The following MAD1L1 variants were observed in gnomAD, a reference collection of about 807,000 sequenced individuals.
MAD1L1 encodes the protein mitotic arrest deficient 1 like 1.
A neutral mutation model predicts 96.9 loss-of-function variants in MAD1L1; 95 were observed. That is an observed-to-expected ratio of 0.98 (90% CI 0.83 to 1.16). MAD1L1 has a LOEUF of 1.16. Among genes scored for constraint, MAD1L1 ranks in the 50% most tolerant of loss-of-function variants. The pLI is 0.00. For synonymous variants in MAD1L1, 473 were observed against 396.6 expected, an observed-to-expected ratio of 1.19 and a Z score of -2.29; for missense variants, 1,007 against 954.4, an observed-to-expected ratio of 1.06 and a Z score of -0.73.
At chr7:2,086,694 G>A (rs1785936785) in intron 11 of MAD1L1, among the ~76,000 whole-genome samples, 1 of 152,196 alleles carries the variant, frequency 6.6e-6, no homozygotes, top group Admixed American at 6.5e-5. Context: ...TGGGATTACA[G>A]TTGCCTGCCA....
intron 18 of MAD1L1, among the ~76,000 whole-genome samples, chr7:1,843,833 C>T (rs1209107365): frequency 6.6e-6 from 1 of 152,212 alleles, no homozygotes; most frequent in Non-Finnish European, 1.5e-5. Flanking sequence ...AATGCTGAAA[C>T]GAGCGTGAGC....
intron 12 of MAD1L1, among the ~76,000 whole-genome samples, chr7:2,019,671 A>G (rs139432846): frequency 0.012 from 1,807 of 144,852 alleles, 27 homozygotes; most frequent in African/African-American, 0.044. Flanking sequence ...CACCCCCCAC[A>G]CAAGGCCACG....
At chr7:2,016,730 A>G (rs1782559426) in intron 12 of MAD1L1, among the ~76,000 whole-genome samples, 1 of 152,260 alleles carries the variant, frequency 6.6e-6, no homozygotes, top group Non-Finnish European at 1.5e-5. Context: ...CCTGGTGTGG[A>G]CTTCATAATT....
chr7:1,851,679 C>T (rs62435132), intron 18 of MAD1L1, among the ~76,000 whole-genome samples: 25,649 of 152,186 alleles, frequency 0.17, 2,629 homozygotes, highest in South Asian at 0.29. Flanking sequence ...GAGGTCCACA[C>T]AGGGGAAGGT....
intron 11 of MAD1L1, among the ~76,000 whole-genome samples, chr7:2,077,416 C>A (rs1229068182): frequency 1.3e-5 from 2 of 152,194 alleles, no homozygotes. Flanking sequence ...GCCACCGTGT[C>A]CCCCAGGACA....
chr7:1,840,398 A>G (rs1475538724), intron 18 of MAD1L1, among the ~76,000 whole-genome samples: 1 of 152,180 alleles, frequency 6.6e-6, no homozygotes, highest in African/African-American at 2.4e-5. Flanking sequence ...ATCGGGCTGT[A>G]CAAGTATCTG....
intron 10 of MAD1L1, among the ~76,000 whole-genome samples, chr7:2,152,249 T>C (rs1620530): frequency 0.47 from 72,172 of 152,034 alleles, 18,836 homozygotes; most frequent in East Asian, 0.69. Context: ...CGGCTCTCAG[T>C]CCCCATGCGA....
At chr7:2,116,349 G>A (rs1224615225) in intron 11 of MAD1L1, among the ~76,000 whole-genome samples, 2 of 152,224 alleles carry the variant, frequency 1.3e-5, no homozygotes, top group African/African-American at 2.4e-5. Context: ...AAAGTGGGCT[G>A]CACACAGCAG....
chr7:1,852,245 G>A (rs7459394), intron 18 of MAD1L1, among the ~76,000 whole-genome samples: 1 of 152,216 alleles, frequency 6.6e-6, no homozygotes, highest in Admixed American at 6.5e-5. Flanking sequence ...CACCGTTTGG[G>A]CAGTTTCTCA....
chr7:2,141,234 C>T (rs1432055761), intron 11 of MAD1L1, among the ~76,000 whole-genome samples: 2 of 152,252 alleles, frequency 1.3e-5, no homozygotes, highest in African/African-American at 2.4e-5. Context: ...TACAGGGCCA[C>T]GCAGTGCCCC....
At chr7:1,965,716 C>G (rs982975055) in intron 15 of MAD1L1, among the ~76,000 whole-genome samples, 2 of 152,184 alleles carry the variant, frequency 1.3e-5, no homozygotes, top group Non-Finnish European at 2.9e-5. Context: ...AGGAGCCGTG[C>G]TCTCTGTCTG....
chr7:2,185,459 T>TTA (rs1232170542), intron 10 of MAD1L1, among the ~76,000 whole-genome samples: 1 of 152,166 alleles, frequency 6.6e-6, no homozygotes, highest in Non-Finnish European at 1.5e-5. Flanking sequence ...ACTCACTCAA[T>TTA]TATATACATA....
chr7:1,960,076 T>C (rs960863641), intron 15 of MAD1L1, among the ~76,000 whole-genome samples: 7 of 152,146 alleles, frequency 4.6e-5, no homozygotes, highest in Admixed American at 2.0e-4. Flanking sequence ...AAGGTGATTA[T>C]ACTGTGTGTG....
At chr7:2,214,503 C>A (rs1451966144) in intron 9 of MAD1L1, among the ~76,000 whole-genome samples, 1 of 152,154 alleles carries the variant, frequency 6.6e-6, no homozygotes, top group African/African-American at 2.4e-5. Context: ...CTGGAAGTGG[C>A]CAGCTGGACA....
chr7:1,967,257 TAGTC>T lies in MAD1L1; in HGVS notation c.1506-9542_1506-9539del, dbSNP rs140136386. Among the ~76,000 whole-genome samples, 136 of 152,258 alleles carry T rather than the reference TAGTC, an allele frequency of 8.9e-4. No homozygotes were observed. In the East Asian group the frequency reaches 0.018, roughly 20 times the overall value. ...ACACTCAAAACATCAGACTGAGAAA[TAGTC>T]AGATGCCCATCTGCTAAATTAAAAT... On this transcript the variant is annotated intron_variant, in intron 15 of 18. Coordinates refer to ENST00000265854, the MANE Select transcript of MAD1L1 (RefSeq NM_001013836.2).
intron 17 of MAD1L1, among the ~76,000 whole-genome samples, chr7:1,909,213 G>A (rs568290260): frequency 2.6e-5 from 4 of 152,268 alleles, no homozygotes; most frequent in South Asian, 4.1e-4. Flanking sequence ...TCCCCTGCAC[G>A]CTGCGGACAC....
intron 12 of MAD1L1, among the ~76,000 whole-genome samples, chr7:2,016,929 C>G (rs1251683483): frequency 6.6e-6 from 1 of 152,268 alleles, no homozygotes; most frequent in East Asian, 1.9e-4. Context: ...GTTGTCAGTA[C>G]CAACGCGCGG....
intron 10 of MAD1L1, among the ~76,000 whole-genome samples, chr7:2,150,278 T>G (rs1789507596): frequency 6.6e-6 from 1 of 152,004 alleles, no homozygotes; most frequent in African/African-American, 2.4e-5. Flanking sequence ...AGCTCCTCTC[T>G]GCGAGTCAGC....
intron 18 of MAD1L1, among the ~76,000 whole-genome samples, chr7:1,891,387 G>A (rs974283670): frequency 3.3e-5 from 5 of 152,106 alleles, no homozygotes; most frequent in Non-Finnish European, 4.4e-5. Context: ...TTAGCTGGGT[G>A]TGGTGGCGCA....
Sources: allele counts gnomAD v4.1 joint callset (sites outside exome capture counted in the v4.1 genomes callset), GRCh38; gene constraint gnomAD v4.1.1; transcripts MANE v1.5; gene names NCBI Gene and HGNC (gene_info 2026-07-23, HGNC 2026-07-21).